The following ABCA1 variants were observed in gnomAD, a reference collection of about 807,000 sequenced individuals.
ABCA1 encodes the protein ATP binding cassette subfamily A member 1, also known as phospholipid-transporting ATPase ABCA1.
In ABCA1, 133 loss-of-function variants were observed where a neutral mutation model predicts 262.5. The ratio of observed to expected loss-of-function variants is 0.51; its 90% confidence interval spans 0.44 to 0.59. The LOEUF (loss-of-function observed/expected upper bound fraction) is 0.59, where lower values mean the gene tolerates loss of function less well. ABCA1 is among the 20% of genes least tolerant of loss of function. ABCA1 has a pLI of 0.00. For synonymous variants in ABCA1, 1,022 were observed against 1,043.5 expected, an observed-to-expected ratio of 0.98 and a Z score of 0.40; for missense variants, 2,452 against 2,777.5, an observed-to-expected ratio of 0.88 and a Z score of 2.63.
intron 15 of ABCA1, among the ~76,000 whole-genome samples, chr9:104,827,979 T>C (rs1268804348): frequency 1.3e-5 from 2 of 152,250 alleles, no homozygotes; most frequent in African/African-American, 4.8e-5. Flanking sequence ...ATTAAATTAG[T>C]TAGTTCTTAT....
intron 5 of ABCA1, 131 bp from the exon 6 acceptor site, chr9:104,861,931 A>T: frequency 1.2e-6 from 1 of 824,832 alleles, no homozygotes; most frequent in Non-Finnish European, 1.9e-6. Context: ...AAACACACAC[A>T]GGAATGAGAT....
At chr9:104,801,997 T>G (rs1588237340) in intron 34 of ABCA1, 57 bp downstream of exon 34, 2 of 1,510,962 alleles carry the variant, frequency 1.3e-6, no homozygotes, top group Non-Finnish European at 1.8e-6. Context: ...CAACTACTCC[T>G]ATATCCCAGC....
At position 104,822,578 on chromosome 9, in the gene ABCA1, C is replaced by T; in HGVS notation, c.2746G>A (p.Val916Ile). 1 of 1,614,104 alleles carries T rather than the reference C, an allele frequency of 6.2e-7. No individual in the cohort carries two copies. The highest frequency in any genetic ancestry group is 8.5e-7 in the Non-Finnish European group (1 of 1,180,004). The change falls in exon 19 of 50, where the codon GTC becomes ATC. Residue 916 changes from valine (V) to isoleucine (I), a missense_variant. Physicochemically the swap from Val to Ile is conservative, Grantham distance 29. Transcript: ENST00000374736. Reference protein sequence around the residue: ...KVYRDGMKVAVDGLALNFYEG... With the variant: ...KVYRDGMKVAIDGLALNFYEG... Reference sequence around the variant, plus strand: ...TAAAAATTCAGTGCCAGGCCATCGACAGCCACCTTCATCCCATCTCGGTAG... The same window carrying T: ...TAAAAATTCAGTGCCAGGCCATCGATAGCCACCTTCATCCCATCTCGGTAG...
At position 104,788,573 on chromosome 9, in the gene ABCA1, AAGG is replaced by A. The variant is rs766522643; in HGVS notation, c.5928-9_5928-7del. The A allele has an allele frequency of 1.2e-6, 2 of 1,614,136 alleles. No homozygotes were observed. The highest frequency in any genetic ancestry group is 2.2e-5 in the South Asian group (2 of 91,084). ...CATGGATGTTTGATAAGATACTGCAAAGGACAAGAAAACTACTTAGATTTTAAG... is the reference window on the plus strand; with the variant it reads ...CATGGATGTTTGATAAGATACTGCAAACAAGAAAACTACTTAGATTTTAAG... On this transcript the variant is annotated splice_region_variant and splice_polypyrimidine_tract_variant and intron_variant, in intron 44 of 49. Transcript: ENST00000374736.
chr9:104,876,090 G>C (rs1237867898), intron 5 of ABCA1, among the ~76,000 whole-genome samples: 1 of 152,180 alleles, frequency 6.6e-6, no homozygotes, highest in Non-Finnish European at 1.5e-5. Flanking sequence ...AGTAGAGAGA[G>C]GCTACCTGGC....
intron 29 of ABCA1, among the ~76,000 whole-genome samples, chr9:104,810,581 A>G (rs1474915549): frequency 6.6e-6 from 1 of 152,172 alleles, no homozygotes; most frequent in Non-Finnish European, 1.5e-5. Context: ...AGTAGGATGA[A>G]GAGGAGAGAG....
At chr9:104,892,895 G>A (rs1839874053) in intron 2 of ABCA1, among the ~76,000 whole-genome samples, 1 of 152,116 alleles carries the variant, frequency 6.6e-6, no homozygotes, top group Non-Finnish European at 1.5e-5. Context: ...TAATTGCATA[G>A]CAATAGGGAA....
chr9:104,811,157 C>A (rs1405449031), intron 28 of ABCA1, among the ~76,000 whole-genome samples: 1 of 152,250 alleles, frequency 6.6e-6, no homozygotes, highest in Non-Finnish European at 1.5e-5. Context: ...AGGTTATGGC[C>A]ACCTGGCAGA....
chr9:104,810,147 T>C (rs1475240391), intron 29 of ABCA1, among the ~76,000 whole-genome samples: 2 of 125,332 alleles, frequency 1.6e-5, no homozygotes, highest in Non-Finnish European at 3.0e-5. Flanking sequence ...ATTACATATA[T>C]ATATATATAT....
At position 104,796,117 on chromosome 9, in the gene ABCA1, A is replaced by G; in HGVS notation, c.5318T>C (p.Val1773Ala). The G allele has an allele frequency of 6.2e-7, 1 of 1,613,838 alleles. No individual in the cohort carries two copies. The highest frequency in any genetic ancestry group is 8.5e-7 in the Non-Finnish European group (1 of 1,180,020). Reference protein sequence around the residue: ...PSTAYVVLTSVNLFIGINGSV... With the variant: ...PSTAYVVLTSANLFIGINGSV... ...GCCATTAATGCCAATGAAGAGGTTCACGCTGGTGAGCACCACATAGGCTGT... is the reference window on the plus strand; with the variant it reads ...GCCATTAATGCCAATGAAGAGGTTCGCGCTGGTGAGCACCACATAGGCTGT... Residue 1773 changes from valine (V) to alanine (A), a missense_variant, in exon 39 of 50, where the codon GTG becomes GCG. Around this residue, in one of 4 missense-constraint regions of ABCA1, gnomAD observed 752 missense variants for 944.5 expected, o/e 0.80. Coordinates refer to ENST00000374736, the MANE Select transcript of ABCA1 (RefSeq NM_005502.4).
At chr9:104,843,751 C>T (rs1834592355) in intron 8 of ABCA1, among the ~76,000 whole-genome samples, 1 of 152,200 alleles carries the variant, frequency 6.6e-6, no homozygotes, top group Non-Finnish European at 1.5e-5. Flanking sequence ...TCAAAATTAT[C>T]AACTTTCCAC....
At chr9:104,824,759 C>T (rs1832675411) in intron 17 of ABCA1, among the ~76,000 whole-genome samples, 181 bp from the exon 18 acceptor site, 1 of 152,210 alleles carries the variant, frequency 6.6e-6, no homozygotes, top group African/African-American at 2.4e-5. Context: ...CATTCTGCAC[C>T]TCTGTAAGTC....
chr9:104,808,017 G>T (rs763378685), intron 30 of ABCA1, among the ~76,000 whole-genome samples: 1 of 151,872 alleles, frequency 6.6e-6, no homozygotes, highest in Non-Finnish European at 1.5e-5. Context: ...ACTAAGACGC[G>T]CTGCCCTCCT....
At chr9:104,805,262 AC>A (rs1830665780) in intron 31 of ABCA1, among the ~76,000 whole-genome samples, 1 of 152,028 alleles carries the variant, frequency 6.6e-6, no homozygotes, top group African/African-American at 2.4e-5. Flanking sequence ...TTTAGTAGAG[AC>A]AGGGTTTCGC....
intron 5 of ABCA1, among the ~76,000 whole-genome samples, chr9:104,866,044 G>A (rs893138976): frequency 6.6e-6 from 1 of 152,220 alleles, no homozygotes; most frequent in Non-Finnish European, 1.5e-5. Context: ...CTGGAGCCAA[G>A]TTCTGGAAAA....
At position 104,817,498 on chromosome 9, in the gene ABCA1, T is replaced by C; in HGVS notation, c.3463-94A>G. The C allele has an allele frequency of 7.3e-7, 1 of 1,365,528 alleles. No homozygotes were observed. Among genetic ancestry groups the C allele is most frequent in the African/African-American group, 1.4e-5 (1 of 69,958 alleles). The allele number at this position is 1,365,528 out of a possible 1,614,324, so 84.6% of individuals were successfully genotyped here. ...GGGGAGGGCTTCCAAGAAGCTCTGT[T>C]GTGTGAGAACTAAAGGAAAAAGCTT... is the stretch of plus-strand genomic sequence containing the variant. On this transcript the variant is annotated intron_variant, in intron 23 of 49. Coordinates refer to ENST00000374736, the MANE Select transcript of ABCA1 (RefSeq NM_005502.4). This position sits in a 1 kb window ranked among gnomAD's most constrained non-coding sequence, Gnocchi z 4.7.
chr9:104,875,560 C>CT (rs1213150487), intron 5 of ABCA1, among the ~76,000 whole-genome samples: 6 of 152,084 alleles, frequency 3.9e-5, no homozygotes, highest in Non-Finnish European at 5.9e-5. Flanking sequence ...GTGATATGTC[C>CT]TCCAAAGGGT....
intron 44 of ABCA1, among the ~76,000 whole-genome samples, chr9:104,789,746 G>A (rs921002690): frequency 1.3e-5 from 2 of 150,862 alleles, no homozygotes; most frequent in East Asian, 2.0e-4. Context: ...TTCCCACAAC[G>A]GTCATGGTCA....
chr9:104,832,092 T>C (rs1780252119), intron 12 of ABCA1, among the ~76,000 whole-genome samples: 1 of 152,204 alleles, frequency 6.6e-6, no homozygotes, highest in African/African-American at 2.4e-5. Context: ...AATGATCTTA[T>C]CTTACTTTTC....
Sources: gnomAD v4.1 joint callset for allele counts (sites outside exome capture counted in the v4.1 genomes callset) on GRCh38, gnomAD v4.1.1 for gene constraint, gnomAD v4.1.1 regional missense constraint, Gnocchi (gnomAD v3.1) non-coding constraint, MANE v1.5 for transcripts, NCBI Gene and HGNC (gene_info 2026-07-23, HGNC 2026-07-21) for gene names.